Variants in NPM1 observed in about 807,000 individuals in gnomAD.
NPM1 encodes nucleophosmin 1.
Under a neutral mutation model 44.1 loss-of-function variants are expected in NPM1, and 1 was observed. The observed-to-expected ratio is 0.02, with a 90% CI of 0.01 to 0.11. NPM1 has a LOEUF of 0.11. NPM1 is among the 10% of genes least tolerant of loss of function. NPM1 has a pLI of 1.00. For missense variants in NPM1, 197 were observed against 347.8 expected (o/e 0.57, Z 3.45); for synonymous variants, 126 against 111.8 (o/e 1.13, Z -0.80).
At chr5:171,400,689 A>C (rs1581250845) in intron 7 of NPM1, 150 bp from the exon 8 acceptor site, 1 of 561,996 alleles carries the variant, frequency 1.8e-6, no homozygotes, top group South Asian at 2.1e-5. Flanking sequence ...CTCGTGATCC[A>C]CCTGCCTCGG....
intron 7 of NPM1, among the ~76,000 whole-genome samples, chr5:171,400,449 C>T (rs1344182450): frequency 2.7e-5 from 4 of 145,698 alleles, no homozygotes; most frequent in African/African-American, 1.0e-4. Context: ...GTGGTTGCTG[C>T]TTTTTCCTTC....
In NPM1 at chr5:171,387,855, C is replaced by A; in HGVS notation, c.-94C>A. 3 of 1,190,830 alleles carry A rather than the reference C, an allele frequency of 2.5e-6. No individual in the cohort carries two copies. The highest frequency in any genetic ancestry group is 1.2e-5 in the South Asian group (1 of 80,512). The allele number at this position is 1,190,830 out of a possible 1,614,324, so 73.8% of individuals were successfully genotyped here. A position where few individuals can be genotyped will look rare whatever the true frequency, so the allele number is the denominator to read the frequency against. On this transcript the variant is annotated 5_prime_UTR_variant, in exon 1 of 11. In the 5' UTR this introduces an upstream ATG that the reference lacks. Coordinates refer to ENST00000296930, the MANE Select transcript of NPM1 (RefSeq NM_002520.7). ...AGCGCGGGGAGCCTGCGTCCTTTCCCTGGTGTGATTCCGTCCTGCGCGGTT... is the reference window on the plus strand; with the variant it reads ...AGCGCGGGGAGCCTGCGTCCTTTCCATGGTGTGATTCCGTCCTGCGCGGTT...
intron 6 of NPM1, among the ~76,000 whole-genome samples, chr5:171,393,276 T>G (rs1770688892): frequency 6.6e-6 from 1 of 152,206 alleles, no homozygotes; most frequent in Non-Finnish European, 1.5e-5. Flanking sequence ...TTAGTGGATG[T>G]GTTATACCCA....
At chr5:171,406,180 G>A (rs1466333943) in intron 9 of NPM1, among the ~76,000 whole-genome samples, 1 of 152,142 alleles carries the variant, frequency 6.6e-6, no homozygotes, top group Non-Finnish European at 1.5e-5. Context: ...GTAATCTATA[G>A]ATTTTTCGTG....
intron 6 of NPM1, among the ~76,000 whole-genome samples, chr5:171,396,898 G>A (rs1465186574): frequency 6.6e-6 from 1 of 152,042 alleles, no homozygotes; most frequent in African/African-American, 2.4e-5. Context: ...GCTTGAACCC[G>A]GGAGGCGGAG....
upstream of NPM1, chr5:171,387,636 G>A (rs370969234): frequency 4.9e-5 from 18 of 369,670 alleles, no homozygotes; most frequent in South Asian, 5.0e-4. Flanking sequence ...GGAGGGGTGG[G>A]GCCAGTGTAC....
At chr5:171,397,802 C>CTTTTT (rs575241008) in intron 6 of NPM1, among the ~76,000 whole-genome samples, 1 of 132,356 alleles carries the variant, frequency 7.6e-6, no homozygotes, top group African/African-American at 2.8e-5. Flanking sequence ...GGCAAGAATT[C>CTTTTT]TTTTTTTTTT....
At chr5:171,398,329 T>C (rs754264949) in intron 6 of NPM1, among the ~76,000 whole-genome samples, 5 of 152,212 alleles carry the variant, frequency 3.3e-5, no homozygotes, top group Non-Finnish European at 5.9e-5. Flanking sequence ...GTCCTTTATA[T>C]TTAGGGCTTT....
At chr5:171,400,321 A>C in intron 7 of NPM1, 111 bp downstream of exon 7, 23 of 1,231,422 alleles carry the variant, frequency 1.9e-5, no homozygotes, top group Non-Finnish European at 2.5e-5. Flanking sequence ...AGATCATCTC[A>C]TACTGAAAAT....
intron 1 of NPM1, among the ~76,000 whole-genome samples, 154 bp downstream of exon 1, chr5:171,388,160 G>C (rs1445672446): frequency 6.6e-6 from 1 of 151,972 alleles, no homozygotes; most frequent in African/African-American, 2.4e-5. Context: ...CTGAGCCCTG[G>C]ACCTGGAGGG....
chr5:171,393,386 G>A (rs1770696461), intron 6 of NPM1, among the ~76,000 whole-genome samples: 1 of 152,126 alleles, frequency 6.6e-6, no homozygotes. Flanking sequence ...GTTACTCAAG[G>A]TTTGTTATTC....
chr5:171,407,666 C>T (rs866845457), intron 9 of NPM1, 34 bp from the exon 10 acceptor site: 1 of 1,232,164 alleles, frequency 8.1e-7, no homozygotes, highest in Non-Finnish European at 1.2e-6. Context: ...GTGTATTTCT[C>T]TACTTACCTG....
At chr5:171,402,918 C>G (rs889760678) in intron 8 of NPM1, among the ~76,000 whole-genome samples, 1 of 137,882 alleles carries the variant, frequency 7.3e-6, no homozygotes, top group South Asian at 2.3e-4. Context: ...AATTAAACCT[C>G]TTTTCTTCAT....
rs1276518076 is a variant in NPM1, at chr5:171,404,259, C to T, written c.670-1043C>T. Among the ~76,000 whole-genome samples the T allele has an allele frequency of 7.5e-5, 8 of 106,738 alleles. 1 individual carries two copies. The highest frequency in any genetic ancestry group is 1.1e-4 in the African/African-American group (3 of 27,160). 70.0% of individuals were successfully genotyped at this position (106,738 alleles called of 152,430 possible). ...GACCCCCCCCCACCTCCCTCCCGGA[C>T]GGGGTGGCTGCTGGGCGGAGATGCT... On this transcript the variant is annotated intron_variant, in intron 8 of 10. Transcript: ENST00000296930.
intron 8 of NPM1, among the ~76,000 whole-genome samples, chr5:171,403,672 T>C (rs796468961): frequency 0.27 from 31,055 of 113,170 alleles, 1,190 homozygotes; most frequent in East Asian, 0.36. Flanking sequence ...ACGGGGCGGC[T>C]GGCCAGGCGG....
At chr5:171,390,790 C>T (rs970435875) in intron 2 of NPM1, among the ~76,000 whole-genome samples, 1 of 151,644 alleles carries the variant, frequency 6.6e-6, no homozygotes, top group African/African-American at 2.4e-5. Context: ...GTGGTGTAAT[C>T]TCGGCTCACT....
At chr5:171,399,678 CTTTAA>C (rs1771090331) in intron 6 of NPM1, among the ~76,000 whole-genome samples, 1 of 111,204 alleles carries the variant, frequency 9.0e-6, no homozygotes, top group East Asian at 2.5e-4. Flanking sequence ...CTATTTAGGT[CTTTAA>C]TTTTTTTTTT....
chr5:171,391,343 T>C lies in NPM1; in HGVS notation c.177T>C (p.Ile59=), dbSNP rs142102985. Residue 59 remains isoleucine (I), a synonymous_variant, in exon 3 of 11, where the codon ATT becomes ATC. Coordinates refer to ENST00000296930, the MANE Select transcript of NPM1 (RefSeq NM_002520.7). ...CTGGTGCAAAGGATGAGTTGCACAT[T>C]GTTGAAGCAGAGGCAATGAATTACG... is the stretch of plus-strand genomic sequence containing the variant. ...LGAGAKDELH[I]VEAEAMNYEG... is the part of the protein sequence containing the mutation. 1.6e-5 allele frequency: 26 copies of C among 1,613,356 alleles called. No homozygotes were observed. In the Admixed American group the frequency reaches 2.5e-4, roughly 16 times the overall value.
intron 8 of NPM1, among the ~76,000 whole-genome samples, chr5:171,404,740 C>T (rs1333225651): frequency 1.4e-5 from 2 of 146,242 alleles, no homozygotes; most frequent in Non-Finnish European, 3.0e-5. Flanking sequence ...GGGTGGCGGC[C>T]GGGCAGAGGC....
Sources: allele counts gnomAD v4.1 joint callset (sites outside exome capture counted in the v4.1 genomes callset), GRCh38; gene constraint gnomAD v4.1.1; transcripts MANE v1.5; gene names NCBI Gene and HGNC (gene_info 2026-07-23, HGNC 2026-07-21).